The following MYO19 variants were observed in gnomAD, a reference collection of about 807,000 sequenced individuals.
MYO19 encodes unconventional myosin-XIX.
A neutral mutation model predicts 129.2 loss-of-function variants in MYO19; 132 were observed. The ratio of observed to expected loss-of-function variants is 1.02; its 90% CI spans 0.89 to 1.18. The LOEUF is 1.18. Among genes scored for constraint, MYO19 ranks in the 50% most tolerant of loss-of-function variants. The pLI is 0.00. For synonymous variants in MYO19, 531 were observed against 477.2 expected, an observed-to-expected ratio of 1.11 and a Z score of -1.47; for missense variants, 1,210 against 1,216.7, an observed-to-expected ratio of 0.99 and a Z score of 0.08.
intron 3 of MYO19, 87 bp from the exon 4 acceptor site, chr17:36,528,289 A>G (rs1428051593): frequency 2.9e-6 from 4 of 1,401,532 alleles, no homozygotes; most frequent in Non-Finnish European, 3.9e-6. Flanking sequence ...CGGGCAGGAC[A>G]CAAAGTGAGG....
At chr17:36,518,491 A>G (rs1310031770) in intron 6 of MYO19, among the ~76,000 whole-genome samples, 6 of 2,590 alleles carry the variant, frequency 2.3e-3, no homozygotes, top group African/African-American at 5.3e-3. Flanking sequence ...TCTCAGAGGA[A>G]AAAAAAAAAA....
At chr17:36,539,707 C>T (rs769257199), upstream of MYO19, among the ~76,000 whole-genome samples, 1 of 152,164 alleles carries the variant, frequency 6.6e-6, no homozygotes, top group Non-Finnish European at 1.5e-5. Flanking sequence ...TTTTAGCCTA[C>T]CCTATGCTAG....
rs1336153332 is a variant in MYO19, at chr17:36,506,539, G to A, written c.1714C>T (p.Pro572Ser). ...TGGGTCTTCTCTTTGGGGTTAGTAG[G>A]AAACAGCCCCATGAGCAGGGGGTCC... ...SQDPLLMGLF[P>S]TNPKEKTQEE... The change falls in exon 18 of 26, where the codon CCT (proline) becomes TCT (serine). Residue 572 changes from proline to serine, a missense_variant. By Grantham distance (74) the Pro-to-Ser change is moderately conservative. Coordinates refer to ENST00000614623, the MANE Select transcript of MYO19 (RefSeq NM_001163735.2). 3 of 1,595,694 alleles carry A rather than the reference G, an allele frequency of 1.9e-6. No homozygotes were observed. The highest frequency in any genetic ancestry group is 2.2e-5 in the East Asian group (1 of 44,636).
intron 6 of MYO19, among the ~76,000 whole-genome samples, chr17:36,520,711 G>C (rs1007966433): frequency 3.3e-5 from 5 of 152,038 alleles, no homozygotes; most frequent in Admixed American, 3.3e-4. Context: ...TCTTCCTTCT[G>C]ACTTTCTTAA....
At chr17:36,538,666 A>T, upstream of MYO19, 1 of 1,395,642 alleles carries the variant, frequency 7.2e-7, no homozygotes, top group Non-Finnish European at 9.8e-7. Context: ...AATGAGGAAT[A>T]TTAATTGTAA....
chr17:36,531,494 T>C (rs1165002037), intron 3 of MYO19, among the ~76,000 whole-genome samples: 2 of 151,406 alleles, frequency 1.3e-5, no homozygotes, highest in East Asian at 1.9e-4. Flanking sequence ...TTTTAGAGAA[T>C]ATCATAGGTT....
intron 25 of MYO19, chr17:36,498,033 G>C (rs1454002013): frequency 1.9e-6 from 1 of 525,466 alleles, no homozygotes; most frequent in African/African-American, 1.9e-5. Flanking sequence ...TAGAGATGCT[G>C]AAATAATTAG....
chr17:36,505,145 AG>A (rs2071790334), intron 19 of MYO19, 151 bp downstream of exon 19: 1 of 797,870 alleles, frequency 1.3e-6, no homozygotes, highest in African/African-American at 1.7e-5. Context: ...GCCCTGCCAC[AG>A]CAAGGGAGAT....
chr17:36,513,364 A>G, intron 11 of MYO19, 65 bp downstream of exon 11: 1 of 1,613,496 alleles, frequency 6.2e-7, no homozygotes, highest in Admixed American at 1.7e-5. Context: ...GTCCAGGGAA[A>G]AGCTCTATGC....
At chr17:36,537,678 G>T, upstream of MYO19, 1 of 1,614,066 alleles carries the variant, frequency 6.2e-7, no homozygotes, top group Non-Finnish European at 8.5e-7. Flanking sequence ...ATATATGGAA[G>T]GGTCCAAATT....
intron 25 of MYO19, 44 bp from the exon 26 acceptor site, chr17:36,496,450 A>G (rs369609552): frequency 1.9e-6 from 3 of 1,604,510 alleles, no homozygotes; most frequent in Admixed American, 3.4e-5. Context: ...AGTTCCTGGG[A>G]GTGCCAGGGC....
At position 36,507,166 on chromosome 17, in the gene MYO19, C is replaced by A. The variant is rs770876290; in HGVS notation, c.1468-27G>T. 3.2e-6 allele frequency: 5 copies of A among 1,585,844 alleles called. No homozygotes were observed. In the East Asian group the frequency reaches 1.1e-4, roughly 36 times the overall value. On this transcript the variant is annotated intron_variant, in intron 16 of 25. Coordinates refer to ENST00000614623, the MANE Select transcript of MYO19 (RefSeq NM_001163735.2). The stretch of plus-strand genomic sequence containing the variant: ...TGTGGGATGGGAACAGGGGGTCAGC[C>A]ACCAACATGAGAGTGTCTCACCACA...
rs569060228 is a variant in MYO19, at chr17:36,514,410, C to T, written c.720+36G>A. 2.1e-4 allele frequency: 287 copies of T among 1,373,712 alleles called. 1 individual carries two copies. The South Asian group carries it at 3.0e-3, about 14-fold the overall frequency. The allele number at this position is 1,373,712 out of a possible 1,614,324, so 85.1% of individuals were successfully genotyped here. A position where few individuals can be genotyped will look rare whatever the true frequency, so the allele number is the denominator to read the frequency against. ...GAAAAACACGGACCCATCCCTGTCT[C>T]GCATCTGGGGGGCTGTGGCCCCATT... On this transcript the variant is annotated intron_variant, in intron 9 of 25. Coordinates refer to ENST00000614623, the MANE Select transcript of MYO19 (RefSeq NM_001163735.2).
intron 6 of MYO19, among the ~76,000 whole-genome samples, chr17:36,518,552 ATGTG>A (rs796286040): frequency 1.8e-3 from 144 of 78,884 alleles, no homozygotes; most frequent in African/African-American, 6.2e-3. Context: ...ATATATATAT[ATGTG>A]TATGTGTATA....
At position 36,498,846 on chromosome 17, in the gene MYO19, G is replaced by GT. The variant is rs1178292652; in HGVS notation, c.2463+228dup. The GT allele has an allele frequency of 3.0e-5, 18 of 592,072 alleles. No homozygotes were observed. In the Admixed American group the frequency reaches 3.3e-4, roughly 11 times the overall value. The allele number at this position is 592,072 out of a possible 1,614,324, so 36.7% of individuals were successfully genotyped here. On this transcript the variant is annotated intron_variant, in intron 24 of 25. Coordinates refer to ENST00000614623, the MANE Select transcript of MYO19 (RefSeq NM_001163735.2). ...AGTCTTCTAAAGTGTACATCCCAGA[G>GT]TTTGGTATATTCCCAGAGTTGCTTA...
chr17:36,503,363 T>A (rs2071665319), intron 20 of MYO19, among the ~76,000 whole-genome samples, 163 bp from the exon 21 acceptor site: 1 of 152,206 alleles, frequency 6.6e-6, no homozygotes, highest in Non-Finnish European at 1.5e-5. Context: ...TTTGAAGCGA[T>A]TTCTAGGATC....
intron 13 of MYO19, 55 bp from the exon 14 acceptor site, chr17:36,509,190 T>G: frequency 2.6e-6 from 4 of 1,524,902 alleles, no homozygotes; most frequent in Non-Finnish European, 3.6e-6. Flanking sequence ...GTCAAAGGGG[T>G]GGTAAAATTG....
chr17:36,503,632 C>CT (rs1487016922), intron 20 of MYO19, among the ~76,000 whole-genome samples: 6 of 152,268 alleles, frequency 3.9e-5, no homozygotes, highest in Non-Finnish European at 7.3e-5. Context: ...CAAGGCAACA[C>CT]TTCTCAGACA....
At chr17:36,500,137 A>C (rs1247460855) in intron 23 of MYO19, 1 of 152,162 alleles carries the variant, frequency 6.6e-6, no homozygotes, top group Non-Finnish European at 1.5e-5. Context: ...GGATTACAGG[A>C]GCGAACTACT....
Sources: allele counts gnomAD v4.1 joint callset (sites outside exome capture counted in the v4.1 genomes callset), GRCh38; gene constraint gnomAD v4.1.1; transcripts MANE v1.5; gene names NCBI Gene and HGNC (gene_info 2026-07-23, HGNC 2026-07-21).